The following CTXND1 variants were observed in gnomAD, a reference collection of about 807,000 sequenced individuals.
CTXND1 encodes the protein cortexin domain containing 1.
chr15:80,231,432 T>C (rs1382065914), intron 1 of CTXND1, among the ~76,000 whole-genome samples: 1 of 151,874 alleles, frequency 6.6e-6, no homozygotes, highest in Non-Finnish European at 1.5e-5. Context: ...ACTTCTCCTG[T>C]GTCAACTTCT....
intron 1 of CTXND1, among the ~76,000 whole-genome samples, chr15:80,210,025 A>C (rs1481076208): frequency 6.6e-6 from 1 of 152,228 alleles, no homozygotes; most frequent in Admixed American, 6.5e-5. Flanking sequence ...AAAGTTATAG[A>C]AGATTAGAAA....
intron 1 of CTXND1, among the ~76,000 whole-genome samples, chr15:80,204,199 T>TATATATATATATATAC (rs1267164168): frequency 3.4e-4 from 9 of 26,788 alleles, no homozygotes; most frequent in African/African-American, 8.3e-4. Flanking sequence ...TATATATATA[T>TATATATATATATATAC]ACACAAACAC....
At chr15:80,241,749 G>A (rs1893570364) in intron 1 of CTXND1, among the ~76,000 whole-genome samples, 1 of 152,134 alleles carries the variant, frequency 6.6e-6, no homozygotes, top group South Asian at 2.1e-4. Context: ...ACTGGCCCTT[G>A]GGGGAAACAG....
chr15:80,203,638 A>G lies in CTXND1; in HGVS notation c.-115T>C, dbSNP rs1893111467. The G allele has an allele frequency of 6.6e-6, 1 of 152,542 alleles. No homozygotes were observed. Among genetic ancestry groups the G allele is most frequent in the Admixed American group, 6.5e-5 (1 of 15,296 alleles). 9.4% of individuals were successfully genotyped at this position (152,542 alleles called of 1,614,324 possible). On this transcript the variant is annotated 5_prime_UTR_variant, in exon 2 of 3. Transcript: ENST00000560778. ...TCATAAGGACCCTGGCTGTTCCAGG[A>G]GGCACGAGGAGCGGTCAGGCATCAT...
intron 1 of CTXND1, among the ~76,000 whole-genome samples, chr15:80,228,818 C>T (rs947349780): frequency 4.0e-5 from 6 of 151,892 alleles, no homozygotes; most frequent in East Asian, 1.9e-4. Flanking sequence ...TAGTTAGAGA[C>T]GGGGTTTCAC....
chr15:80,208,494 C>A (rs1330467173), intron 1 of CTXND1, among the ~76,000 whole-genome samples: 3 of 152,114 alleles, frequency 2.0e-5, no homozygotes, highest in Non-Finnish European at 2.9e-5. Context: ...AATTTAAGAC[C>A]TAGAAAAGTA....
rs111791363 is a variant in CTXND1 at position 80,224,784 on chromosome 15, C to T, written c.-217-21044G>A. On this transcript the variant is annotated intron_variant, in intron 1 of 2. Transcript: ENST00000560778. ...ATTGAGACAGGCTCTCACTGTGTCA[C>T]CCAGGCTGGAGTGCAGTGGCTTGAT... Among the ~76,000 whole-genome samples, 1,021 of 152,276 alleles carry T rather than the reference C, an allele frequency of 6.7e-3. 13 individuals are homozygous for T. Among genetic ancestry groups the T allele is most frequent in the African/African-American group, 0.023 (957 of 41,546 alleles).
intron 1 of CTXND1, among the ~76,000 whole-genome samples, chr15:80,225,453 T>C (rs1392205737): frequency 2.6e-5 from 4 of 152,188 alleles, no homozygotes. Flanking sequence ...TTTCCTTGTG[T>C]CTGTCTTTCT....
Position 80,201,490 on chromosome 15 carries a change from C to T in CTXND1, c.*280G>A, listed in dbSNP as rs1166212092. The T allele has an allele frequency of 6.3e-6, 2 of 316,920 alleles. No homozygotes were observed. Among genetic ancestry groups the T allele is most frequent in the Non-Finnish European group, 1.1e-5 (2 of 174,438 alleles). 19.6% of individuals were successfully genotyped at this position (316,920 alleles called of 1,614,324 possible). A position where few individuals can be genotyped will look rare whatever the true frequency, so the allele number is the denominator to read the frequency against. On this transcript the variant is annotated 3_prime_UTR_variant, in exon 3 of 3. Coordinates refer to ENST00000560778, the MANE Select transcript of CTXND1 (RefSeq NM_001352888.2). ...CCTGGGAAGGTGACTACCCTATCAT[C>T]TCACAGGGACTCCCCACACTGGAAC...
At chr15:80,208,809 CAG>C (rs993067960) in intron 1 of CTXND1, among the ~76,000 whole-genome samples, 4 of 152,130 alleles carry the variant, frequency 2.6e-5, no homozygotes, top group African/African-American at 9.7e-5. Context: ...GACTTTTGCT[CAG>C]AGTCTCAGAG....
chr15:80,240,024 G>A, intron 1 of CTXND1, among the ~76,000 whole-genome samples: 1 of 152,176 alleles, frequency 6.6e-6, no homozygotes, highest in East Asian at 1.9e-4. Context: ...GGAGTGCAAT[G>A]GCACGATCTC....
At chr15:80,232,701 C>T (rs1893444595) in intron 1 of CTXND1, among the ~76,000 whole-genome samples, 1 of 152,180 alleles carries the variant, frequency 6.6e-6, no homozygotes, top group African/African-American at 2.4e-5. Flanking sequence ...TCCATCTCCC[C>T]AAAGCACCAG....
intron 1 of CTXND1, among the ~76,000 whole-genome samples, chr15:80,221,549 C>G (rs1015149107): frequency 4.6e-5 from 7 of 152,132 alleles, no homozygotes; most frequent in Admixed American, 4.6e-4. Context: ...CGCCCCTGCA[C>G]TCCAGCCTGG....
intron 1 of CTXND1, among the ~76,000 whole-genome samples, chr15:80,231,646 T>C (rs1253939208): frequency 6.6e-6 from 1 of 152,236 alleles, no homozygotes; most frequent in African/African-American, 2.4e-5. Context: ...TTGTCAGGAA[T>C]GGACTATTCC....
At chr15:80,210,517 G>A (rs1567129008) in intron 1 of CTXND1, among the ~76,000 whole-genome samples, 1 of 152,194 alleles carries the variant, frequency 6.6e-6, no homozygotes, top group Non-Finnish European at 1.5e-5. Context: ...TGCTTCTGCT[G>A]TGTCACCTTG....
chr15:80,244,191 G>A (rs578043597), intron 1 of CTXND1, among the ~76,000 whole-genome samples: 12 of 152,308 alleles, frequency 7.9e-5, no homozygotes, highest in Admixed American at 2.0e-4. Context: ...TCTGCTGAAC[G>A]TAAGTAATCC....
chr15:80,231,765 GA>G (rs1567133271), intron 1 of CTXND1, among the ~76,000 whole-genome samples: 1 of 152,110 alleles, frequency 6.6e-6, no homozygotes, highest in African/African-American at 2.4e-5. Context: ...ATGAGAAAGA[GA>G]AAAGCATATT....
At chr15:80,248,324 G>A (rs1002800453) in intron 1 of CTXND1, among the ~76,000 whole-genome samples, 13 of 152,344 alleles carry the variant, frequency 8.5e-5, no homozygotes, top group Non-Finnish European at 1.5e-4. Flanking sequence ...GAATCTTGGG[G>A]CAGGTTTGCC....
intron 1 of CTXND1, among the ~76,000 whole-genome samples, chr15:80,222,079 T>C (rs1161492826): frequency 1.3e-5 from 2 of 152,204 alleles, no homozygotes; most frequent in Non-Finnish European, 2.9e-5. Flanking sequence ...TGGGGGCATA[T>C]AGGATTTTAG....
Sources: gnomAD v4.1 joint callset for allele counts (sites outside exome capture counted in the v4.1 genomes callset) on GRCh38, gnomAD v4.1.1 for gene constraint, MANE v1.5 for transcripts, NCBI Gene and HGNC (gene_info 2026-07-23, HGNC 2026-07-21) for gene names.